Variants in LAMB2 observed in about 807,000 individuals in gnomAD.
LAMB2 encodes the protein laminin subunit beta-2.
A neutral mutation model predicts 202.7 loss-of-function variants in LAMB2; 119 were observed. The ratio of observed to expected loss-of-function variants is 0.59; its 90% confidence interval spans 0.51 to 0.68. The LOEUF (loss-of-function observed/expected upper bound fraction) is 0.68. Among genes scored for constraint, LAMB2 ranks in the 30% least tolerant of loss-of-function variants. The probability of loss-of-function intolerance (pLI) is 0.00; values close to 1 mark genes in which losing one functional copy is unlikely to be tolerated. For missense variants in LAMB2, 2,124 were observed against 2,410.6 expected (o/e 0.88, Z 2.49); for synonymous variants, 818 against 902.2 (o/e 0.91, Z 1.67).
Position 49,122,315 on chromosome 3 carries a change from G to C in LAMB2, c.4629C>G (p.Leu1543=). The change falls in exon 28 of 32, where the codon CTC becomes CTG. Residue 1543 remains leucine, a synonymous_variant. Transcript: ENST00000305544. ...IEMVATRVLE[L]SIPASAEQIQ... is the part of the protein sequence containing the mutation. ...TCTGCTCAGCTGAAGCTGGGATGGAGAGCTCTAGCACCCGTGTGGCCACCA... is the reference window on the plus strand; with the variant it reads ...TCTGCTCAGCTGAAGCTGGGATGGACAGCTCTAGCACCCGTGTGGCCACCA... The C allele has an allele frequency of 6.2e-7, 1 of 1,613,558 alleles. No individual in the cohort carries two copies. The highest frequency in any genetic ancestry group is 8.5e-7 in the Non-Finnish European group (1 of 1,180,040).
chr3:49,129,941 A>G lies in LAMB2; in HGVS notation c.1303T>C (p.Ser435Pro), dbSNP rs756033536. The change falls in exon 10 of 32, where the codon TCC (serine) becomes CCC (proline). Residue 435 changes from serine (S) to proline (P), a missense_variant. By Grantham distance (74) the Ser-to-Pro change is moderately conservative (BLOSUM62 -1). Transcript: ENST00000305544. The surrounding 1 kb of genome is among the most constrained non-coding windows in gnomAD (Gnocchi z 6.1). ...SHDDPALGLV[S>P]GQCRCKEHVV... ...TGTTCTTTGCAGCGACACTGGCCGGAGACCAGTCCCAGTGCAGGGTCATCA... is the reference window on the plus strand; with the variant it reads ...TGTTCTTTGCAGCGACACTGGCCGGGGACCAGTCCCAGTGCAGGGTCATCA... 1 of 1,613,956 alleles carries G rather than the reference A, an allele frequency of 6.2e-7. No individual in the cohort carries two copies. The highest frequency in any genetic ancestry group is 8.5e-7 in the Non-Finnish European group (1 of 1,179,908).
Position 49,124,024 on chromosome 3 carries a change from C to T in LAMB2, c.3501G>A (p.Gly1167=), listed in dbSNP as rs565674077. ...ACTGGTCACAGCGCACACCAGACAC[C>T]CCTGGGCGGCAGCTGCAGTGACCTG... is the stretch of plus-strand genomic sequence containing the variant. ...RFTGHCSCRP[G]VSGVRCDQCA... Residue 1167 remains glycine, a synonymous_variant, in exon 24 of 32, where the codon GGG becomes GGA. Transcript: ENST00000305544. 7 of 1,613,662 alleles carry T rather than the reference C, an allele frequency of 4.3e-6. No individual in the cohort carries two copies. The East Asian group carries it at 1.6e-4, about 36-fold the overall frequency.
Position 49,131,001 on chromosome 3 carries a change from G to A in LAMB2, c.864C>T (p.His288=), listed in dbSNP as rs141473567. 19 of 1,613,902 alleles carry A rather than the reference G, an allele frequency of 1.2e-5. No homozygotes were observed. The highest frequency in any genetic ancestry group is 6.6e-5 in the South Asian group (6 of 91,088). The part of the protein sequence containing the change: ...VVRGNCFCYG[H]ASECAPAPGA... Reference sequence around the variant, plus strand: ...CTGGGGCGGGTGCACACTCTGAGGCGTGTCCGTAGCAGAAGCAGTTGCCAC... The same window carrying A: ...CTGGGGCGGGTGCACACTCTGAGGCATGTCCGTAGCAGAAGCAGTTGCCAC... Residue 288 remains histidine (H), a synonymous_variant, in exon 7 of 32, where the codon CAC becomes CAT. Coordinates refer to ENST00000305544, the MANE Select transcript of LAMB2 (RefSeq NM_002292.4). The surrounding 1 kb of genome is among the most constrained non-coding windows in gnomAD (Gnocchi z 5.0).
chr3:49,123,342 G>A lies in LAMB2; in HGVS notation c.4014C>T (p.Ser1338=). 1 of 1,614,024 alleles carries A rather than the reference G, an allele frequency of 6.2e-7. No individual in the cohort carries two copies. Among genetic ancestry groups the A allele is most frequent in the Middle Eastern group, 1.6e-4 (1 of 6,062 alleles). The change falls in exon 26 of 32, where the codon AGC becomes AGT. Residue 1338 remains serine, a synonymous_variant. Transcript: ENST00000305544. ...CACGACGTTCTGCCTCTGCAGACTG[G>A]CTATGGGCATGCCGGATGCTGTCAT... ...GAYDSIRHAH[S]QSAEAERRAN...
Position 49,132,990 on chromosome 3 carries a change from T to C in LAMB2, c.-123A>G. The C allele has an allele frequency of 1.2e-6, 1 of 837,704 alleles. No homozygotes were observed. Among genetic ancestry groups the C allele is most frequent in the Non-Finnish European group, 2.0e-6 (1 of 499,390 alleles). 51.9% of individuals were successfully genotyped at this position (837,704 alleles called of 1,614,324 possible). A position where few individuals can be genotyped will look rare whatever the true frequency, so the allele number is the denominator to read the frequency against. Reference sequence around the variant, plus strand: ...TTGGCCTGTTTCCCTCCAGGCCCTCTGTCAGTTCCCAGGTCTGTCCAGCGG... The same window carrying C: ...TTGGCCTGTTTCCCTCCAGGCCCTCCGTCAGTTCCCAGGTCTGTCCAGCGG... On this transcript the variant is annotated 5_prime_UTR_variant, in exon 1 of 32. Coordinates refer to ENST00000305544, the MANE Select transcript of LAMB2 (RefSeq NM_002292.4). This position sits in a 1 kb window ranked among gnomAD's most constrained non-coding sequence, Gnocchi z 4.6.
intron 13 of LAMB2, 31 bp downstream of exon 13, chr3:49,128,989 C>G: frequency 1.2e-6 from 2 of 1,605,044 alleles, no homozygotes; most frequent in Non-Finnish European, 1.7e-6. Context: ...CCACCCACAT[C>G]CAGCCCTCTG....
In LAMB2 at chr3:49,133,026, A is replaced by T; in HGVS notation, c.-159T>A. ...AGGTCTGTCCAGCGGTCCCTCCGAC[A>T]GCTTAGAGTCCAGCGACTTTGAGCA... is the stretch of plus-strand genomic sequence containing the variant. On this transcript the variant is annotated 5_prime_UTR_variant, in exon 1 of 32. Transcript: ENST00000305544. 1.5e-6 allele frequency: 1 copy of T among 654,226 alleles called. No individual in the cohort carries two copies. The highest frequency in any genetic ancestry group is 2.7e-6 in the Non-Finnish European group (1 of 368,216). 40.5% of individuals were successfully genotyped at this position (654,226 alleles called of 1,614,324 possible).
At position 49,128,652 on chromosome 3, in the gene LAMB2, G is replaced by A. The variant is rs1575535180; in HGVS notation, c.1890+9C>T. On this transcript the variant is annotated intron_variant, in intron 14 of 31. Transcript: ENST00000305544. ...AGGTTCAGCCCCAGATTAGATAACA[G>A]GGTCTAACCTGGGGCTCTAAGCGCA... 3 of 1,614,046 alleles carry A rather than the reference G, an allele frequency of 1.9e-6. No individual in the cohort carries two copies. Among genetic ancestry groups the A allele is most frequent in the African/African-American group, 1.3e-5 (1 of 74,924 alleles).
At position 49,130,565 on chromosome 3, in the gene LAMB2, C is replaced by T; in HGVS notation, c.1037-146G>A. On this transcript the variant is annotated intron_variant, in intron 8 of 31. Coordinates refer to ENST00000305544, the MANE Select transcript of LAMB2 (RefSeq NM_002292.4). The surrounding 1 kb of genome is among the most constrained non-coding windows in gnomAD (Gnocchi z 5.0). ...CAAGGCCTCAGCATCATACTGGTTCCCTACCCAGAGCAGACTGCAGAGGAG... is the reference window on the plus strand; with the variant it reads ...CAAGGCCTCAGCATCATACTGGTTCTCTACCCAGAGCAGACTGCAGAGGAG... 1 of 1,346,094 alleles carries T rather than the reference C, an allele frequency of 7.4e-7. No individual in the cohort carries two copies. Among genetic ancestry groups the T allele is most frequent in the Non-Finnish European group, 1.1e-6 (1 of 947,146 alleles). 83.4% of individuals were successfully genotyped at this position (1,346,094 alleles called of 1,614,324 possible). A position where few individuals can be genotyped will look rare whatever the true frequency, so the allele number is the denominator to read the frequency against.
Position 49,122,006 on chromosome 3 carries a change from C to A in LAMB2, c.4861G>T (p.Ala1621Ser), listed in dbSNP as rs2045292053. Reference sequence around the variant, plus strand: ...ACTGCCCCCCGGATGGCACCCTGGGCAATACCCTGTGCCCGCTGGGCCTCC... The same window carrying A: ...ACTGCCCCCCGGATGGCACCCTGGGAAATACCCTGTGCCCGCTGGGCCTCC... ...LEEAQRAQGI[A>S]QGAIRGAVAD... Residue 1621 changes from alanine to serine, a missense_variant, in exon 29 of 32, where the codon GCC becomes TCC. Ala to Ser is a moderately conservative substitution (Grantham distance 99). Transcript: ENST00000305544. The A allele has an allele frequency of 6.2e-7, 1 of 1,613,876 alleles. No individual in the cohort carries two copies. The highest frequency in any genetic ancestry group is 8.5e-7 in the Non-Finnish European group (1 of 1,180,036).
Position 49,132,460 on chromosome 3 carries a change from A to C in LAMB2, c.249+31T>G. 6.2e-7 allele frequency: 1 copy of C among 1,614,096 alleles called. No individual in the cohort carries two copies. Among genetic ancestry groups the C allele is most frequent in the South Asian group, 1.1e-5 (1 of 91,084 alleles). On this transcript the variant is annotated intron_variant, in intron 2 of 31. Transcript: ENST00000305544. This position sits in a 1 kb window ranked among gnomAD's most constrained non-coding sequence, Gnocchi z 4.6. ...CTCAGGCAGTGCCAGCCCCACCCTGACTCGGCGTCACACCCTGTCCCCAGC... is the reference window on the plus strand; with the variant it reads ...CTCAGGCAGTGCCAGCCCCACCCTGCCTCGGCGTCACACCCTGTCCCCAGC...
rs1313470219 is a variant in LAMB2 at position 49,131,588 on chromosome 3, C to T, written c.595G>A (p.Asp199Asn). The T allele has an allele frequency of 5.6e-6, 9 of 1,613,910 alleles. No homozygotes were observed. The highest frequency in any genetic ancestry group is 7.6e-6 in the Non-Finnish European group (9 of 1,180,028). Residue 199 changes from aspartate to asparagine, a missense_variant, in exon 5 of 32, where the codon GAT (aspartate) becomes AAT (asparagine). This residue lies in a region of LAMB2 where 256 missense variants were observed against 356.1 expected (regional missense o/e 0.72). Transcript: ENST00000305544. The surrounding 1 kb of genome is among the most constrained non-coding windows in gnomAD (Gnocchi z 5.0). ...VPLAPPRHWD[D>N]VVCESRYSEI... The stretch of plus-strand genomic sequence containing the variant: ...GAGTAGCGGGACTCACAGACTACAT[C>T]ATCCCAGTGCCGTGGGGGTGCTAGT...
chr3:49,131,760 G>C lies in LAMB2; in HGVS notation c.460-37C>G, dbSNP rs757851176. Reference sequence around the variant, plus strand: ...GGCATAGCTGATCAGCAGGCACCAGGACCCAAGCCCAACCCAGAGCCATCA... The same window carrying C: ...GGCATAGCTGATCAGCAGGCACCAGCACCCAAGCCCAACCCAGAGCCATCA... On this transcript the variant is annotated intron_variant, in intron 4 of 31. Coordinates refer to ENST00000305544, the MANE Select transcript of LAMB2 (RefSeq NM_002292.4). This position sits in a 1 kb window ranked among gnomAD's most constrained non-coding sequence, Gnocchi z 5.0. The C allele has an allele frequency of 6.2e-7, 1 of 1,607,986 alleles. No homozygotes were observed. Among genetic ancestry groups the C allele is most frequent in the Non-Finnish European group, 8.5e-7 (1 of 1,177,636 alleles).
rs745520572 is a variant in LAMB2, at chr3:49,123,750, C to T, written c.3775G>A (p.Val1259Met). ...NTSAASTAQL[V>M]EATEELRREI... ...CACCGCAGCTCCTCTGTGGCCTCCA[C>T]AAGCTGTGCAGTGGAGGCGGCTGAG... The change falls in exon 24 of 32, where the codon GTG becomes ATG. Residue 1259 changes from valine (V) to methionine (M), a missense_variant. Transcript: ENST00000305544. 5.6e-6 allele frequency: 9 copies of T among 1,613,354 alleles called. No homozygotes were observed. The highest frequency in any genetic ancestry group is 7.6e-6 in the Non-Finnish European group (9 of 1,180,046).
chr3:49,123,679 CA>C lies in LAMB2; in HGVS notation c.3797+48del, dbSNP rs2045377441. The C allele has an allele frequency of 3.7e-6, 6 of 1,613,640 alleles. 1 individual carries two copies. The South Asian group carries it at 5.5e-5, about 15-fold the overall frequency. Reference sequence around the variant, plus strand: ...GTTTAGAGAGGCTTCAGCCCTGGTCCACTGGGCCTCTGCCCCATCCCACCAT... The same window carrying C: ...GTTTAGAGAGGCTTCAGCCCTGGTCCCTGGGCCTCTGCCCCATCCCACCAT... On this transcript the variant is annotated intron_variant, in intron 24 of 31. Coordinates refer to ENST00000305544, the MANE Select transcript of LAMB2 (RefSeq NM_002292.4).
At position 49,125,373 on chromosome 3, in the gene LAMB2, C is replaced by G; in HGVS notation, c.2600G>C (p.Gly867Ala). Residue 867 changes from glycine to alanine, a missense_variant, in exon 19 of 32, where the codon GGC (glycine) becomes GCC (alanine). Transcript: ENST00000305544. Reference sequence around the variant, plus strand: ...CCGGCAGCTAGGGAATCCCCACTGGCCACGCTGGCAGCGGTCACAGCGAAG... The same window carrying G: ...CCGGCAGCTAGGGAATCCCCACTGGGCACGCTGGCAGCGGTCACAGCGAAG... ...FGLRCDRCQRGQWGFPSCRPC... is the reference protein window; with the variant it reads ...FGLRCDRCQRAQWGFPSCRPC... The G allele has an allele frequency of 1.2e-6, 2 of 1,614,088 alleles. No homozygotes were observed. Among genetic ancestry groups the G allele is most frequent in the Non-Finnish European group, 1.7e-6 (2 of 1,180,048 alleles).
Position 49,129,012 on chromosome 3 carries a change from C to A in LAMB2, c.1731+8G>T. On this transcript the variant is annotated splice_region_variant and intron_variant, in intron 13 of 31. Transcript: ENST00000305544. The surrounding 1 kb of genome is among the most constrained non-coding windows in gnomAD (Gnocchi z 6.1). ...ATCCAGCCCTCTGCTTAGGGGGAGGCCCCACACCTGCCCTCGGGTGTCCTC... is the reference window on the plus strand; with the variant it reads ...ATCCAGCCCTCTGCTTAGGGGGAGGACCCACACCTGCCCTCGGGTGTCCTC... 6.2e-7 allele frequency: 1 copy of A among 1,607,224 alleles called. No homozygotes were observed. The highest frequency in any genetic ancestry group is 2.2e-5 in the East Asian group (1 of 44,880).
In LAMB2 at chr3:49,131,246, C is replaced by T. The variant is rs2045478400; in HGVS notation, c.713-94G>A. On this transcript the variant is annotated intron_variant, in intron 6 of 31. Transcript: ENST00000305544. The surrounding 1 kb of genome is among the most constrained non-coding windows in gnomAD (Gnocchi z 5.0). ...AGCTGCCAAGGTCACCTTGAAAGAC[C>T]TCCTATACACTGCCACCCGAGCTAA... 2 of 1,465,296 alleles carry T rather than the reference C, an allele frequency of 1.4e-6. No individual in the cohort carries two copies. The highest frequency in any genetic ancestry group is 1.9e-6 in the Non-Finnish European group (2 of 1,056,328). 90.8% of individuals were successfully genotyped at this position (1,465,296 alleles called of 1,614,324 possible).
Position 49,125,409 on chromosome 3 carries a change from C to G in LAMB2, c.2564G>C (p.Gly855Ala). 1 of 1,613,880 alleles carries G rather than the reference C, an allele frequency of 6.2e-7. No homozygotes were observed. Among genetic ancestry groups the G allele is most frequent in the East Asian group, 2.2e-5 (1 of 44,882 alleles). Residue 855 changes from glycine to alanine, a missense_variant, in exon 19 of 32, where the codon GGT becomes GCT. This residue lies in a region of LAMB2 where 1,702 missense variants were observed against 1,896.3 expected (regional missense o/e 0.90). Transcript: ENST00000305544. ...KTSGQCLCRT[G>A]AFGLRCDRCQ... ...GCGGTCACAGCGAAGCCCAAAGGCACCAGTTCGACAGAGACATTGCCCACT... is the reference window on the plus strand; with the variant it reads ...GCGGTCACAGCGAAGCCCAAAGGCAGCAGTTCGACAGAGACATTGCCCACT...
Sources: gnomAD v4.1 joint callset for allele counts on GRCh38, gnomAD v4.1.1 for gene constraint, gnomAD v4.1.1 regional missense constraint, Gnocchi (gnomAD v3.1) non-coding constraint, MANE v1.5 for transcripts, NCBI Gene and HGNC (gene_info 2026-07-23, HGNC 2026-07-21) for gene names.